Variants in APPL1 observed in about 807,000 individuals in gnomAD.
The protein encoded by APPL1 is adaptor protein, phosphotyrosine interacting with PH domain and leucine zipper 1, also known as DCC-interacting protein 13-alpha.
In APPL1, 42 loss-of-function variants were observed where a neutral mutation model predicts 106.8. That is an observed-to-expected ratio of 0.39 (90% CI 0.31 to 0.51). The LOEUF is 0.51. Among genes scored for constraint, APPL1 ranks in the 20% least tolerant of loss-of-function variants. The pLI, the probability that APPL1 is intolerant of heterozygous loss-of-function variation, is 0.75. For synonymous variants in APPL1, 263 were observed against 281.8 expected, an observed-to-expected ratio of 0.93 and a Z score of 0.67; for missense variants, 769 against 858.2, an observed-to-expected ratio of 0.90 and a Z score of 1.30.
chr3:57,248,972 T>C (rs1489630778), intron 10 of APPL1, among the ~76,000 whole-genome samples: 1 of 152,226 alleles, frequency 6.6e-6, no homozygotes. Flanking sequence ...TACTTTAATA[T>C]ATTTGTAATT....
Position 57,271,185 on chromosome 3 carries a change from G to GCAT in APPL1, c.*1500_*1502dup, listed in dbSNP as rs2060936301. On this transcript the variant is annotated 3_prime_UTR_variant, in exon 22 of 22. Transcript: ENST00000288266. Reference sequence around the variant, plus strand: ...TCTTCTTAGTTCTGCATTAGAAATGGCATCTGTTTTAGGTCTCAAAATATA... The same window carrying GCAT: ...TCTTCTTAGTTCTGCATTAGAAATGGCATCATCTGTTTTAGGTCTCAAAATATA... The GCAT allele has an allele frequency of 6.6e-6, 1 of 151,822 alleles. No individual in the cohort carries two copies. Among genetic ancestry groups the GCAT allele is most frequent in the African/African-American group, 2.4e-5 (1 of 41,074 alleles). 9.4% of individuals were successfully genotyped at this position (151,822 alleles called of 1,614,324 possible). A position where few individuals can be genotyped will look rare whatever the true frequency, so the allele number is the denominator to read the frequency against.
intron 9 of APPL1, 110 bp downstream of exon 9, chr3:57,247,587 TGC>T: frequency 2.7e-6 from 2 of 737,992 alleles, no homozygotes; most frequent in Non-Finnish European, 4.3e-6. Flanking sequence ...ATATTTTCCC[TGC>T]CATGAGAGTT....
chr3:57,261,516 T>G (rs1005038768), intron 19 of APPL1, among the ~76,000 whole-genome samples: 2 of 152,034 alleles, frequency 1.3e-5, no homozygotes, highest in African/African-American at 2.4e-5. Context: ...ATTTTTAGTT[T>G]TTGTTGTTGT....
At chr3:57,247,011 A>T (rs1445885917) in intron 8 of APPL1, among the ~76,000 whole-genome samples, 2 of 151,384 alleles carry the variant, frequency 1.3e-5, no homozygotes, top group African/African-American at 4.8e-5. Flanking sequence ...AAAAAAATTG[A>T]ATCTATTTAG....
chr3:57,248,274 T>A lies in APPL1; in HGVS notation c.786T>A (p.Tyr262Ter). 1 of 1,614,180 alleles carries A rather than the reference T, an allele frequency of 6.2e-7. No homozygotes were observed. Among genetic ancestry groups the A allele is most frequent in the Non-Finnish European group, 8.5e-7 (1 of 1,180,034 alleles). ...EDLEVASDPLYVPDPDPTKFP... is the reference protein window; with the variant it reads ...EDLEVASDPL ...TGGAAGTAGCCAGTGATCCCTTATA[T>A]GTGCCTGACCCAGACCCCACCAAAT... The change falls in exon 10 of 22, where the codon TAT becomes TAA. Residue 262 changes from tyrosine (Y) to a stop codon, truncating the protein, a stop_gained. Coordinates refer to ENST00000288266, the MANE Select transcript of APPL1 (RefSeq NM_012096.3). LOFTEE classifies it high-confidence loss of function.
intron 6 of APPL1, among the ~76,000 whole-genome samples, chr3:57,242,446 T>C (rs964595022): frequency 2.6e-5 from 4 of 152,092 alleles, no homozygotes; most frequent in Non-Finnish European, 4.4e-5. Flanking sequence ...TATATATATA[T>C]TTTAAGATAC....
In APPL1 at chr3:57,272,908, A is replaced by AGTT. The variant is rs1269102289; in HGVS notation, c.*3221_*3222insGTT. On this transcript the variant is annotated 3_prime_UTR_variant, in exon 22 of 22. Coordinates refer to ENST00000288266, the MANE Select transcript of APPL1 (RefSeq NM_012096.3). ...GCCACCGTGCCCGGCCCTAAAATGAAATTATTAATGTTGGTTCTGAAACAG... is the reference window on the plus strand; with the variant it reads ...GCCACCGTGCCCGGCCCTAAAATGAAGTTATTATTAATGTTGGTTCTGAAACAG... The AGTT allele has an allele frequency of 8.5e-5, 13 of 152,298 alleles. No homozygotes were observed. The highest frequency in any genetic ancestry group is 3.1e-4 in the African/African-American group (13 of 41,438). The allele number at this position is 152,298 out of a possible 1,614,324, so 9.4% of individuals were successfully genotyped here. A position where few individuals can be genotyped will look rare whatever the true frequency, so the allele number is the denominator to read the frequency against.
chr3:57,267,972 A>T, intron 20 of APPL1, 180 bp downstream of exon 20: 1 of 639,460 alleles, frequency 1.6e-6, no homozygotes, highest in Non-Finnish European at 2.7e-6. Flanking sequence ...TGCACCTGTA[A>T]TCCCAGCTAC....
chr3:57,264,946 C>T (rs1311511014), intron 19 of APPL1, among the ~76,000 whole-genome samples: 1 of 151,760 alleles, frequency 6.6e-6, no homozygotes, highest in African/African-American at 2.4e-5. Flanking sequence ...TTTATGATTC[C>T]ATATACATTT....
At chr3:57,260,066 G>C (rs370742705) in intron 17 of APPL1, 47 bp downstream of exon 17, 38 of 1,606,558 alleles carry the variant, frequency 2.4e-5, no homozygotes, top group Non-Finnish European at 3.2e-5. Flanking sequence ...ACATTTACAT[G>C]ATTTCAGCCT....
intron 5 of APPL1, among the ~76,000 whole-genome samples, chr3:57,240,770 G>A (rs573194270): frequency 1.3e-5 from 2 of 152,312 alleles, no homozygotes; most frequent in East Asian, 3.9e-4. Flanking sequence ...AAATTCTAGA[G>A]AAGGAAGTGG....
At position 57,260,653 on chromosome 3, in the gene APPL1, A is replaced by G. The variant is rs1299656669; in HGVS notation, c.1721A>G (p.Tyr574Cys). ...LTFPLPCVVL[Y>C]ATHQENKRLF... ...TTTCCATTACCTTGTGTAGTTTTGT[A>G]TGCTACACACCAGGAAAATAAGCGC... Residue 574 changes from tyrosine to cysteine, a missense_variant, in exon 19 of 22, where the codon TAT becomes TGT. By Grantham distance (194) the Tyr-to-Cys change is radical. Coordinates refer to ENST00000288266, the MANE Select transcript of APPL1 (RefSeq NM_012096.3). The G allele has an allele frequency of 1.2e-6, 2 of 1,611,478 alleles. No homozygotes were observed. The highest frequency in any genetic ancestry group is 1.7e-6 in the Non-Finnish European group (2 of 1,178,452).
At chr3:57,245,652 C>G (rs530364708) in intron 7 of APPL1, among the ~76,000 whole-genome samples, 26 of 152,014 alleles carry the variant, frequency 1.7e-4, no homozygotes, top group Middle Eastern at 3.4e-3. Flanking sequence ...AAGCTATTCT[C>G]ATGCCTCGGC....
rs2060660791 is a variant in APPL1 at position 57,227,880 on chromosome 3, C to T, written c.-4C>T. ...TCTCCTGCCACCGCCCTCCCTCCGC[C>T]ACGATGCCGGGGATCGACAAGCTGC... On this transcript the variant is annotated 5_prime_UTR_variant, in exon 1 of 22. Transcript: ENST00000288266. 6.8e-7 allele frequency: 1 copy of T among 1,464,778 alleles called. No individual in the cohort carries two copies. Among genetic ancestry groups the T allele is most frequent in the Non-Finnish European group, 9.0e-7 (1 of 1,105,880 alleles). 90.7% of individuals were successfully genotyped at this position (1,464,778 alleles called of 1,614,324 possible).
intron 14 of APPL1, 90 bp from the exon 15 acceptor site, chr3:57,257,156 T>C (rs1448720764): frequency 3.2e-6 from 5 of 1,553,398 alleles, no homozygotes; most frequent in African/African-American, 2.8e-5. Context: ...CATTGACTTA[T>C]AATATTGTGT....
Position 57,249,396 on chromosome 3 carries a change from G to A in APPL1, c.900G>A (p.Gln300=). 1 of 1,614,152 alleles carries A rather than the reference G, an allele frequency of 6.2e-7. No individual in the cohort carries two copies. The highest frequency in any genetic ancestry group is 8.5e-7 in the Non-Finnish European group (1 of 1,180,036). The change falls in exon 11 of 22, where the codon CAG becomes CAA. Residue 300 remains glutamine, a synonymous_variant. Transcript: ENST00000288266. Reference sequence around the variant, plus strand: ...TGGTGTCATCTACCTGGGACAGACAGTTTTACTTCACGCAGGGTGGAAATT... The same window carrying A: ...TGGTGTCATCTACCTGGGACAGACAATTTTACTTCACGCAGGGTGGAAATT... The part of the protein sequence containing the change: ...TGLVSSTWDR[Q]FYFTQGGNLM...
chr3:57,270,959 CT>C lies in APPL1; in HGVS notation c.*1273del. ...TTTATGTTAAACCTTAATTTTTTTT[CT>C]GTAATCACTTTTAACACTGCTAATA... On this transcript the variant is annotated 3_prime_UTR_variant, in exon 22 of 22. Coordinates refer to ENST00000288266, the MANE Select transcript of APPL1 (RefSeq NM_012096.3). 1 of 151,892 alleles carries C rather than the reference CT, an allele frequency of 6.6e-6. No homozygotes were observed. Among genetic ancestry groups the C allele is most frequent in the Admixed American group, 6.6e-5 (1 of 15,244 alleles). 9.4% of individuals were successfully genotyped at this position (151,892 alleles called of 1,614,324 possible).
Position 57,256,969 on chromosome 3 carries a change from C to T in APPL1, c.1165C>T (p.Arg389Ter), listed in dbSNP as rs1344931712. The T allele has an allele frequency of 1.9e-6, 3 of 1,613,858 alleles. No homozygotes were observed. The highest frequency in any genetic ancestry group is 1.7e-5 in the Admixed American group (1 of 59,978). The change falls in exon 14 of 22, where the codon CGA (arginine) becomes TGA (stop). Residue 389 changes from arginine (R) to a stop codon, truncating the protein, a stop_gained. Transcript: ENST00000288266. LOFTEE classifies it high-confidence loss of function. ...LSENPEETAA[R>*]VNQSALEAVT... ...AAAATTGAAATAGGAAACTGCTGCA[C>T]GAGTAAATCAATCAGCTCTGGAAGC...
At position 57,237,571 on chromosome 3, in the gene APPL1, T is replaced by C. The variant is rs919444638; in HGVS notation, c.213+20T>C. 6.5e-7 allele frequency: 1 copy of C among 1,530,102 alleles called. No individual in the cohort carries two copies. Among genetic ancestry groups the C allele is most frequent in the Non-Finnish European group, 8.9e-7 (1 of 1,120,106 alleles). 94.8% of individuals were successfully genotyped at this position (1,530,102 alleles called of 1,614,324 possible). A position where few individuals can be genotyped will look rare whatever the true frequency, so the allele number is the denominator to read the frequency against. On this transcript the variant is annotated intron_variant, in intron 3 of 21. Transcript: ENST00000288266. The stretch of plus-strand genomic sequence containing the variant: ...AAACAGGTATTGTATATCAAAGTTT[T>C]AAAAGCATAATTTTAAAAGTATAGT...
Sources: allele counts gnomAD v4.1 joint callset (sites outside exome capture counted in the v4.1 genomes callset), GRCh38; gene constraint gnomAD v4.1.1; transcripts MANE v1.5; gene names NCBI Gene and HGNC (gene_info 2026-07-23, HGNC 2026-07-21).